UNC5A: variants seen among roughly 807,000 people sequenced by gnomAD.
UNC5A encodes the protein netrin receptor UNC5A.
A neutral mutation model predicts 87.4 loss-of-function variants in UNC5A; 20 were observed. The observed-to-expected ratio is 0.23, with a 90% CI of 0.16 to 0.33. The LOEUF (loss-of-function observed/expected upper bound fraction) is 0.33. UNC5A is among the 10% of genes least tolerant of loss of function. The pLI is 1.00. For synonymous variants in UNC5A, 438 were observed against 482.3 expected (o/e 0.91, Z 1.20); for missense variants, 844 against 1,133.4 (o/e 0.74, Z 3.67).
rs1397966137 is a variant in UNC5A at position 176,866,141 on chromosome 5, C to T, written c.293-1989C>T. Among the ~76,000 whole-genome samples the T allele has an allele frequency of 6.6e-6, 1 of 152,034 alleles. No homozygotes were observed. Among genetic ancestry groups the T allele is most frequent in the Admixed American group, 6.5e-5 (1 of 15,278 alleles). On this transcript the variant is annotated intron_variant, in intron 2 of 14. Transcript: ENST00000329542. This position sits in a 1 kb window ranked among gnomAD's most constrained non-coding sequence, Gnocchi z 5.0. Reference sequence around the variant, plus strand: ...CCGGGGTCCCTCCCCAGGGCTGGCACCTGCTCACACTTATGGGCAGGTACA... The same window carrying T: ...CCGGGGTCCCTCCCCAGGGCTGGCATCTGCTCACACTTATGGGCAGGTACA...
At chr5:176,846,680 C>T (rs994369523) in intron 1 of UNC5A, among the ~76,000 whole-genome samples, 3 of 152,148 alleles carry the variant, frequency 2.0e-5, no homozygotes, top group East Asian at 1.9e-4. Context: ...CACAAGTGGG[C>T]GGGCTCTAGA....
At chr5:176,870,316 G>A (rs1282534410) in intron 5 of UNC5A, 54 bp from the exon 6 acceptor site, 3 of 1,582,794 alleles carry the variant, frequency 1.9e-6, no homozygotes, top group African/African-American at 1.3e-5. Context: ...CAGACTGCCG[G>A]GGTGGGCTCC....
chr5:176,863,804 T>TCCCAC (rs1561662207), intron 2 of UNC5A, among the ~76,000 whole-genome samples: 1 of 14,572 alleles, frequency 6.9e-5, no homozygotes, highest in Non-Finnish European at 2.0e-4. Flanking sequence ...TCTTCCCTCC[T>TCCCAC]TCCCCTCCTC....
chr5:176,867,992 A>G (rs1262734307), intron 2 of UNC5A, 138 bp from the exon 3 acceptor site: 1 of 617,608 alleles, frequency 1.6e-6, no homozygotes, highest in Admixed American at 4.3e-5. Flanking sequence ...AAATATAATA[A>G]TAATAAAATT....
chr5:176,862,901 C>T, intron 2 of UNC5A, 56 bp downstream of exon 2: 1 of 1,592,924 alleles, frequency 6.3e-7, no homozygotes. Flanking sequence ...GTTTCGGCCC[C>T]CCCAGAGGAG....
At chr5:176,815,462 G>A (rs1055138783) in intron 1 of UNC5A, among the ~76,000 whole-genome samples, 6 of 152,230 alleles carry the variant, frequency 3.9e-5, no homozygotes, top group African/African-American at 1.4e-4. Flanking sequence ...TCCAACCCAA[G>A]CCTCGTGTCC....
chr5:176,872,515 G>A (rs77059625), intron 6 of UNC5A, among the ~76,000 whole-genome samples: 1 of 22,636 alleles, frequency 4.4e-5, no homozygotes. Context: ...GCCCACACTC[G>A]CCCCAACACC....
intron 1 of UNC5A, among the ~76,000 whole-genome samples, chr5:176,813,061 C>T (rs998959880): frequency 6.6e-6 from 1 of 152,230 alleles, no homozygotes; most frequent in Non-Finnish European, 1.5e-5. Context: ...GCCACGCGCC[C>T]ACCCTCTGTT....
At chr5:176,830,565 T>C (rs1756977188) in intron 1 of UNC5A, among the ~76,000 whole-genome samples, 2 of 138,938 alleles carry the variant, frequency 1.4e-5, no homozygotes, top group Non-Finnish European at 3.1e-5. Context: ...TGTCCTGGTG[T>C]GTGTGTGTGT....
At position 176,868,561 on chromosome 5, in the gene UNC5A, A is replaced by T. The variant is rs1581273478; in HGVS notation, c.437A>T (p.Tyr146Phe). ...GAGGACACTCTCATTCCTCTTCTAG[A>T]TTTGCGCAAGAACTTCGAGCAGGAG... ...KSQKAYIRIA[Y>F]LRKNFEQEPL... The change falls in exon 4 of 15, where the codon TAT becomes TTT. Residue 146 changes from tyrosine to phenylalanine, a missense_variant and splice_region_variant. By Grantham distance (22) the Tyr-to-Phe change is conservative. Around this residue, in one of 3 missense-constraint regions of UNC5A, gnomAD observed 314 missense variants for 466.5 expected, o/e 0.67. Transcript: ENST00000329542. 6.3e-7 allele frequency: 1 copy of T among 1,598,912 alleles called. No homozygotes were observed. Among genetic ancestry groups the T allele is most frequent in the African/African-American group, 1.3e-5 (1 of 74,840 alleles).
intron 1 of UNC5A, among the ~76,000 whole-genome samples, chr5:176,830,219 G>C (rs554239167): frequency 5.3e-5 from 8 of 152,164 alleles, no homozygotes; most frequent in Non-Finnish European, 7.3e-5. Context: ...GTTGCCAGTC[G>C]TCTTGGCTGG....
chr5:176,833,354 C>T (rs1757070529), intron 1 of UNC5A, among the ~76,000 whole-genome samples: 1 of 152,204 alleles, frequency 6.6e-6, no homozygotes, highest in South Asian at 2.1e-4. Flanking sequence ...CTCTGTGTGT[C>T]CATGTGTACT....
rs373776635 is a variant in UNC5A at position 176,879,900 on chromosome 5, C to G, written c.*14C>G. Reference sequence around the variant, plus strand: ...GCTGAGTGCTGAGGCCGGCCAGGCCCGACACCTACACTCTCACCAGCTTTG... The same window carrying G: ...GCTGAGTGCTGAGGCCGGCCAGGCCGGACACCTACACTCTCACCAGCTTTG... On this transcript the variant is annotated 3_prime_UTR_variant, in exon 15 of 15. Transcript: ENST00000329542. 2 of 1,607,050 alleles carry G rather than the reference C, an allele frequency of 1.2e-6. No homozygotes were observed. The highest frequency in any genetic ancestry group is 1.7e-6 in the Non-Finnish European group (2 of 1,178,014).
At chr5:176,878,761 C>A in intron 13 of UNC5A, 122 bp downstream of exon 13, 1 of 1,301,178 alleles carries the variant, frequency 7.7e-7, no homozygotes, top group East Asian at 2.5e-5. Flanking sequence ...TGTCCCCAGG[C>A]CCACCTCCTC....
At chr5:176,856,290 C>T (rs1380850210) in intron 1 of UNC5A, among the ~76,000 whole-genome samples, 1 of 152,214 alleles carries the variant, frequency 6.6e-6, no homozygotes, top group African/African-American at 2.4e-5. Flanking sequence ...CCTACAAGAG[C>T]AGCATGTGCC....
At chr5:176,826,672 G>A (rs1437392572) in intron 1 of UNC5A, among the ~76,000 whole-genome samples, 1 of 105,014 alleles carries the variant, frequency 9.5e-6, no homozygotes, top group African/African-American at 3.8e-5. Context: ...AGACAGTCTT[G>A]CTCTGTTGCC....
chr5:176,817,875 G>A (rs1012883721), intron 1 of UNC5A, among the ~76,000 whole-genome samples: 17 of 151,882 alleles, frequency 1.1e-4, no homozygotes, highest in African/African-American at 3.6e-4. Context: ...AGCCGGGCGC[G>A]GGGTAATTAA....
intron 6 of UNC5A, 112 bp from the exon 7 acceptor site, chr5:176,873,856 A>C (rs747897740): frequency 2.1e-4 from 226 of 1,097,872 alleles, no homozygotes; most frequent in Non-Finnish European, 2.9e-4. Context: ...CTCCCTAGCT[A>C]GTGCAGATGC....
intron 1 of UNC5A, among the ~76,000 whole-genome samples, chr5:176,829,929 C>T (rs1756958969): frequency 8.0e-6 from 1 of 124,942 alleles, no homozygotes; most frequent in South Asian, 2.9e-4. Flanking sequence ...CACTGGAGTA[C>T]AGTGGCGTGA....
Sources: gnomAD v4.1 joint callset for allele counts (sites outside exome capture counted in the v4.1 genomes callset) on GRCh38, gnomAD v4.1.1 for gene constraint, gnomAD v4.1.1 regional missense constraint, Gnocchi (gnomAD v3.1) non-coding constraint, MANE v1.5 for transcripts, NCBI Gene and HGNC (gene_info 2026-07-23, HGNC 2026-07-21) for gene names.